KDM3B: variants seen among roughly 807,000 people sequenced by gnomAD.
The protein encoded by KDM3B is lysine demethylase 3B, also known as lysine-specific demethylase 3B.
A neutral mutation model predicts 170.0 loss-of-function variants in KDM3B; 10 were observed. The observed-to-expected ratio is 0.06, with a 90% CI of 0.04 to 0.10. The LOEUF is 0.10. Ranked by LOEUF, KDM3B falls within the 10% of genes least tolerant of loss-of-function variation. The pLI, the probability that KDM3B is intolerant of heterozygous loss-of-function variation, is 1.00. For missense variants in KDM3B, 1,394 were observed against 2,195.2 expected (o/e 0.64, Z 7.29); for synonymous variants, 831 against 834.8 (o/e 1.00, Z 0.08).
intron 13 of KDM3B, chr5:138,417,855 G>T: frequency 2.6e-6 from 1 of 389,906 alleles, no homozygotes; most frequent in African/African-American, 2.0e-5. Context: ...GAGATTCTTA[G>T]CATCTTGTCA....
At position 138,400,564 on chromosome 5, in the gene KDM3B, A is replaced by G. The variant is rs552962120; in HGVS notation, c.3199+552A>G. On this transcript the variant is annotated intron_variant, in intron 11 of 23. Coordinates refer to ENST00000314358, the MANE Select transcript of KDM3B (RefSeq NM_016604.4). ...GGTTTGAGACCAGTCTGGGTAACAC[A>G]GCAAGACCCCATCTCTACAAAATAA... Among the ~76,000 whole-genome samples the G allele has an allele frequency of 5.2e-4, 79 of 152,220 alleles. 1 individual carries two copies. The highest frequency in any genetic ancestry group is 1.0e-3 in the Non-Finnish European group (71 of 68,010).
intron 1 of KDM3B, among the ~76,000 whole-genome samples, chr5:138,355,982 A>G (rs544214958): frequency 6.6e-6 from 1 of 152,222 alleles, no homozygotes; most frequent in African/African-American, 2.4e-5. Context: ...GTCCTACTGC[A>G]CAATATTTGC....
intron 1 of KDM3B, among the ~76,000 whole-genome samples, chr5:138,355,367 C>T (rs533034297): frequency 6.6e-6 from 1 of 152,320 alleles, no homozygotes; most frequent in African/African-American, 2.4e-5. Flanking sequence ...CTATAAAATA[C>T]AGTACTGATC....
intron 12 of KDM3B, 55 bp from the exon 13 acceptor site, chr5:138,417,428 A>G (rs905052464): frequency 3.2e-6 from 5 of 1,550,742 alleles, no homozygotes; most frequent in Non-Finnish European, 4.4e-6. Context: ...TTAGCACAAT[A>G]TGTGGCATAT....
rs1454104871 is a variant in KDM3B, at chr5:138,365,823, A to AC, written c.193-6847dup. Among the ~76,000 whole-genome samples, 4 of 151,368 alleles carry AC rather than the reference A, an allele frequency of 2.6e-5. No individual in the cohort carries two copies. The East Asian group carries it at 7.8e-4, about 30-fold the overall frequency. On this transcript the variant is annotated intron_variant, in intron 1 of 23. Coordinates refer to ENST00000314358, the MANE Select transcript of KDM3B (RefSeq NM_016604.4). The stretch of plus-strand genomic sequence containing the variant: ...AGACCAGCCTGGCCAACATGGTGAA[A>AC]CCCCGTCTCTACTAAAAATACAAAA...
At position 138,391,404 on chromosome 5, in the gene KDM3B, G is replaced by A. The variant is rs374559198; in HGVS notation, c.1772G>A (p.Arg591Gln). The change falls in exon 8 of 24, where the codon CGG (arginine) becomes CAG (glutamine). Residue 591 changes from arginine (R) to glutamine (Q), a missense_variant. Physicochemically the swap from Arg to Gln is conservative, Grantham distance 43. Coordinates refer to ENST00000314358, the MANE Select transcript of KDM3B (RefSeq NM_016604.4). The surrounding 1 kb of genome is among the most constrained non-coding windows in gnomAD (Gnocchi z 5.0). The stretch of plus-strand genomic sequence containing the variant: ...TCTAAGGCTGGCAGCTCTGTGGACC[G>A]GAAAGTGCCTGCAGAGTCCATGCCC... ...PGSKAGSSVD[R>Q]KVPAESMPTL... 1.4e-5 allele frequency: 23 copies of A among 1,613,412 alleles called. No individual in the cohort carries two copies. The African/African-American group carries it at 1.5e-4, about 10-fold the overall frequency.
At chr5:138,389,778 C>G (rs368932137) in intron 7 of KDM3B, among the ~76,000 whole-genome samples, 52 of 120,140 alleles carry the variant, frequency 4.3e-4, no homozygotes, top group South Asian at 2.0e-3. Context: ...CTCTCTCTCT[C>G]TCTCTGTGTG....
chr5:138,403,474 G>C (rs1379598533), intron 11 of KDM3B, among the ~76,000 whole-genome samples: 1 of 151,716 alleles, frequency 6.6e-6, no homozygotes, highest in African/African-American at 2.4e-5. Flanking sequence ...TCAGGAGTTT[G>C]AGACCAGCCT....
In KDM3B at chr5:138,435,703, A is replaced by C. The variant is rs189468108; in HGVS notation, c.*3A>C. 6 of 1,608,688 alleles carry C rather than the reference A, an allele frequency of 3.7e-6. No homozygotes were observed. In the East Asian group the frequency reaches 1.3e-4, roughly 36 times the overall value. On this transcript the variant is annotated 3_prime_UTR_variant, in exon 24 of 24. Transcript: ENST00000314358. ...AATCCAAACTGGCAAGGTCCTAGGC[A>C]TGGAGAAACTCCAAGCTCCTCTGTG...
At chr5:138,407,268 G>A (rs952778135) in intron 11 of KDM3B, among the ~76,000 whole-genome samples, 1 of 152,102 alleles carries the variant, frequency 6.6e-6, no homozygotes, top group African/African-American at 2.4e-5. Context: ...TTACAGGTGT[G>A]AGCCACCACG....
intron 12 of KDM3B, among the ~76,000 whole-genome samples, chr5:138,417,263 TA>T (rs1175717198): frequency 1.3e-5 from 2 of 152,346 alleles, no homozygotes; most frequent in Admixed American, 1.3e-4. Context: ...ATACCTGGGC[TA>T]AAGTCTTAGT....
intron 20 of KDM3B, among the ~76,000 whole-genome samples, chr5:138,429,012 G>C (rs1763466519): frequency 6.7e-6 from 1 of 148,964 alleles, no homozygotes; most frequent in African/African-American, 2.5e-5. Flanking sequence ...AGACTCCTGG[G>C]CTCTGGCATT....
intron 7 of KDM3B, among the ~76,000 whole-genome samples, chr5:138,390,174 C>T (rs999645327): frequency 6.6e-6 from 1 of 151,848 alleles, no homozygotes; most frequent in Non-Finnish European, 1.5e-5. Context: ...CTTCTTTATA[C>T]AGTCATTCAC....
chr5:138,354,527 G>A (rs1371985293), intron 1 of KDM3B, among the ~76,000 whole-genome samples: 1 of 152,196 alleles, frequency 6.6e-6, no homozygotes, highest in Non-Finnish European at 1.5e-5. Flanking sequence ...GGTTCTTGCA[G>A]TGGTCGTCTC....
intron 1 of KDM3B, among the ~76,000 whole-genome samples, chr5:138,358,306 C>CTTTTT (rs71306181): frequency 7.4e-5 from 8 of 108,262 alleles, no homozygotes; most frequent in East Asian, 2.8e-4. Flanking sequence ...TTCTTTCTTT[C>CTTTTT]TTTTTTTTTT....
intron 13 of KDM3B, 62 bp from the exon 14 acceptor site, chr5:138,418,891 C>A: frequency 1.1e-5 from 16 of 1,488,448 alleles, no homozygotes; most frequent in Non-Finnish European, 1.5e-5. Context: ...GAAGCCATTA[C>A]TAGTTGTATT....
intron 15 of KDM3B, among the ~76,000 whole-genome samples, chr5:138,422,363 A>G (rs1037747840): frequency 4.9e-4 from 75 of 152,334 alleles, no homozygotes; most frequent in African/African-American, 1.8e-3. Context: ...GAGGCTGGGC[A>G]CAGTGGCTCA....
chr5:138,389,782 C>CTGTGTGTGTGTGTGTGTGTG (rs148405512), intron 7 of KDM3B, among the ~76,000 whole-genome samples: 5 of 143,466 alleles, frequency 3.5e-5, no homozygotes, highest in African/African-American at 1.0e-4. Context: ...CTCTCTCTCT[C>CTGTGTGTGTGTGTGTGTGTG]TGTGTGTGTG....
chr5:138,373,556 C>T (rs995873469), intron 2 of KDM3B, among the ~76,000 whole-genome samples: 4 of 151,870 alleles, frequency 2.6e-5, no homozygotes, highest in Non-Finnish European at 5.9e-5. Context: ...AATCAGAGCT[C>T]ACCGCAACCT....
Sources: gnomAD v4.1 joint callset for allele counts (sites outside exome capture counted in the v4.1 genomes callset) on GRCh38, gnomAD v4.1.1 for gene constraint, Gnocchi (gnomAD v3.1) non-coding constraint, MANE v1.5 for transcripts, NCBI Gene and HGNC (gene_info 2026-07-23, HGNC 2026-07-21) for gene names.